Variants in TMEM40 observed in about 807,000 individuals in gnomAD.
TMEM40 encodes transmembrane protein 40.
Under a neutral mutation model 40.8 loss-of-function variants are expected in TMEM40, and 34 were observed. That is an observed-to-expected ratio of 0.83 (90% CI 0.63 to 1.11). The LOEUF (loss-of-function observed/expected upper bound fraction) is 1.11, where lower values mean the gene tolerates loss of function less well. TMEM40 is among the 50% of genes least tolerant of loss of function. The probability of loss-of-function intolerance (pLI) is 0.00; values close to 1 mark genes in which losing one functional copy is unlikely to be tolerated. For missense variants in TMEM40, 296 were observed against 280.2 expected (o/e 1.06, Z -0.40); for synonymous variants, 106 against 107.0 (o/e 0.99, Z 0.06).
intron 1 of TMEM40, among the ~76,000 whole-genome samples, chr3:12,767,626 G>C (rs867399398): frequency 6.6e-6 from 1 of 152,126 alleles, no homozygotes; most frequent in Non-Finnish European, 1.5e-5. Context: ...CTCTCCATTC[G>C]CAGGGCAAAA....
At chr3:12,735,868 T>C (rs2061333531) in intron 10 of TMEM40, among the ~76,000 whole-genome samples, 1 of 152,206 alleles carries the variant, frequency 6.6e-6, no homozygotes, top group South Asian at 2.1e-4. Flanking sequence ...GTTTTCAGTA[T>C]CTGGCTAGTT....
intron 1 of TMEM40, 144 bp from the exon 2 acceptor site, chr3:12,749,984 C>T: frequency 1.2e-6 from 1 of 859,938 alleles, no homozygotes; most frequent in Non-Finnish European, 1.8e-6. Context: ...AATGGTAGTT[C>T]TGTTGGCAAG....
rs75700166 is a variant in TMEM40, at chr3:12,764,370, G to A, written c.-9+4881C>T. ...AGAAAGGTTAAATGATGTGCTCAAGGTCACGTGGCTGGGAAGTGGCTGCGT... is the reference window on the plus strand; with the variant it reads ...AGAAAGGTTAAATGATGTGCTCAAGATCACGTGGCTGGGAAGTGGCTGCGT... On this transcript the variant is annotated intron_variant, in intron 1 of 11. Transcript: ENST00000264728. Among the ~76,000 whole-genome samples, 1,498 of 152,300 alleles carry A rather than the reference G, an allele frequency of 9.8e-3. 33 individuals carry two copies. The East Asian group carries it at 0.1, about 10-fold the overall frequency.
chr3:12,762,296 A>G (rs991773496), upstream of TMEM40, among the ~76,000 whole-genome samples: 15 of 152,086 alleles, frequency 9.9e-5, no homozygotes, highest in Non-Finnish European at 1.9e-4. Context: ...AATTAGTGTC[A>G]CCTGCTTCGT....
chr3:12,754,139 C>T (rs61593454), intron 1 of TMEM40, among the ~76,000 whole-genome samples: 8,989 of 152,172 alleles, frequency 0.059, 376 homozygotes, highest in African/African-American at 0.11. Flanking sequence ...GGTGAAACCC[C>T]GTCTCTACTA....
chr3:12,736,405 C>T (rs2061337470), intron 10 of TMEM40, among the ~76,000 whole-genome samples, 173 bp downstream of exon 10: 1 of 152,196 alleles, frequency 6.6e-6, no homozygotes, highest in Admixed American at 6.5e-5. Flanking sequence ...ACACCTCAGC[C>T]TCCCAAAGTG....
chr3:12,737,411 A>G, intron 8 of TMEM40: 1 of 464,332 alleles, frequency 2.2e-6, no homozygotes, highest in South Asian at 3.1e-5. Context: ...GAAGGTATTT[A>G]CCATCCTAGT....
intron 3 of TMEM40, among the ~76,000 whole-genome samples, chr3:12,744,308 G>T (rs11920134): frequency 0.041 from 6,271 of 152,226 alleles, 387 homozygotes; most frequent in African/African-American, 0.13. Flanking sequence ...ATCCCACCAA[G>T]TGCAGGGGCT....
chr3:12,755,229 C>CTCTCTT (rs2061514922), intron 1 of TMEM40, among the ~76,000 whole-genome samples: 1 of 65,504 alleles, frequency 1.5e-5, no homozygotes, highest in Non-Finnish European at 3.3e-5. Context: ...CTCTCTCTCT[C>CTCTCTT]TCTCTCTTTC....
chr3:12,737,535 G>C, intron 8 of TMEM40, 172 bp downstream of exon 8: 2 of 651,512 alleles, frequency 3.1e-6, no homozygotes, highest in Non-Finnish European at 5.3e-6. Flanking sequence ...CTGCAAAATG[G>C]GAACCATTGT....
At chr3:12,738,308 T>A in intron 6 of TMEM40, 140 bp from the exon 7 acceptor site, 3 of 1,061,638 alleles carry the variant, frequency 2.8e-6, no homozygotes, top group South Asian at 1.4e-5. Context: ...CTTCTCTCTA[T>A]TGATGGCTGG....
At chr3:12,762,713 G>A (rs1399495660), upstream of TMEM40, among the ~76,000 whole-genome samples, 3 of 152,174 alleles carry the variant, frequency 2.0e-5, no homozygotes, top group Non-Finnish European at 2.9e-5. Flanking sequence ...TCAAAATATA[G>A]TCCCCGGACC....
chr3:12,763,159 C>CAAAAAA (rs536186442), upstream of TMEM40, among the ~76,000 whole-genome samples: 1 of 56,220 alleles, frequency 1.8e-5, no homozygotes, highest in Non-Finnish European at 4.0e-5. Context: ...GACTCTGTCT[C>CAAAAAA]AAAAAAAAAA....
At chr3:12,760,828 A>G (rs1219556107), upstream of TMEM40, among the ~76,000 whole-genome samples, 1 of 151,942 alleles carries the variant, frequency 6.6e-6, no homozygotes, top group Non-Finnish European at 1.5e-5. Flanking sequence ...TGCAAACTCA[A>G]ACTCCTGGGC....
In TMEM40 at chr3:12,742,448, G is replaced by A. The variant is rs779830239; in HGVS notation, c.355+6C>T. 1 of 1,613,498 alleles carries A rather than the reference G, an allele frequency of 6.2e-7. No individual in the cohort carries two copies. Among genetic ancestry groups the A allele is most frequent in the Non-Finnish European group, 8.5e-7 (1 of 1,179,584 alleles). ...TTTTCTCCAAAGCTACTGGGCAACTGATTACCTCCATAGAGTTGAAGCTCA... is the reference window on the plus strand; with the variant it reads ...TTTTCTCCAAAGCTACTGGGCAACTAATTACCTCCATAGAGTTGAAGCTCA... On this transcript the variant is annotated splice_donor_region_variant and intron_variant, in intron 5 of 11. Transcript: ENST00000314124.
chr3:12,755,249 T>C (rs1273869213), intron 1 of TMEM40, among the ~76,000 whole-genome samples: 1,213 of 113,134 alleles, frequency 0.011, 46 homozygotes, highest in African/African-American at 0.05. Context: ...CTTTCTTTCT[T>C]TCTTTCTTTC....
At chr3:12,738,234 C>A in intron 6 of TMEM40, 66 bp from the exon 7 acceptor site, 1 of 1,569,686 alleles carries the variant, frequency 6.4e-7, no homozygotes. Flanking sequence ...TGCCTCCACC[C>A]TGGGGAAGGC....
rs1454971141 is a variant in TMEM40 at position 12,749,842 on chromosome 3, T to G, written c.-8-2A>C. On this transcript the variant is annotated splice_acceptor_variant, in intron 1 of 11. Coordinates refer to ENST00000314124, the MANE Select transcript of TMEM40 (RefSeq NM_018306.4). LOFTEE classifies it low-confidence loss of function (5UTR_SPLICE). Reference sequence around the variant, plus strand: ...ATGCTGAAGTCTCCATGGCTTTTCCTGGAGGAATAACAATAATCAGTAGTT... The same window carrying G: ...ATGCTGAAGTCTCCATGGCTTTTCCGGGAGGAATAACAATAATCAGTAGTT... 3 of 1,613,504 alleles carry G rather than the reference T, an allele frequency of 1.9e-6. No individual in the cohort carries two copies. The highest frequency in any genetic ancestry group is 1.1e-5 in the South Asian group (1 of 90,974).
intron 1 of TMEM40, among the ~76,000 whole-genome samples, chr3:12,752,275 A>G (rs2061483483): frequency 6.6e-6 from 1 of 152,124 alleles, no homozygotes; most frequent in Admixed American, 6.5e-5. Context: ...CTAGATCACG[A>G]ATGCAGCCTA....
Sources: allele counts gnomAD v4.1 joint callset (sites outside exome capture counted in the v4.1 genomes callset), GRCh38; gene constraint gnomAD v4.1.1; transcripts MANE v1.5; gene names NCBI Gene and HGNC (gene_info 2026-07-23, HGNC 2026-07-21).